The following ADCY1 variants were observed in gnomAD, a reference collection of about 807,000 sequenced individuals.
ADCY1 encodes adenylate cyclase type 1.
Under a neutral mutation model 105.4 loss-of-function variants are expected in ADCY1, and 28 were observed. The observed-to-expected ratio is 0.27, with a 90% CI of 0.20 to 0.36. The LOEUF is 0.36. Ranked by LOEUF, ADCY1 falls within the 10% of genes least tolerant of loss-of-function variation. The probability of loss-of-function intolerance (pLI) is 1.00; values close to 1 mark genes in which losing one functional copy is unlikely to be tolerated. For missense variants in ADCY1, 977 were observed against 1,434.2 expected, an observed-to-expected ratio of 0.68 and a Z score of 5.15; for synonymous variants, 655 against 623.8, an observed-to-expected ratio of 1.05 and a Z score of -0.75.
chr7:45,625,242 A>G (rs527839838), intron 4 of ADCY1, among the ~76,000 whole-genome samples: 23 of 152,270 alleles, frequency 1.5e-4, no homozygotes, highest in African/African-American at 5.3e-4. Flanking sequence ...ATGCTCTGTC[A>G]TCTCATGTTT....
intron 4 of ADCY1, among the ~76,000 whole-genome samples, chr7:45,625,172 C>T (rs1049414245): frequency 1.3e-5 from 2 of 152,190 alleles, no homozygotes; most frequent in Non-Finnish European, 1.5e-5. Context: ...TCCTTTCTAT[C>T]TGTGCCACTG....
intron 14 of ADCY1, among the ~76,000 whole-genome samples, chr7:45,697,386 C>CTT (rs34522967): frequency 0.01 from 1,094 of 108,046 alleles, 15 homozygotes; most frequent in East Asian, 0.026. Context: ...CTCTCTTTAC[C>CTT]TTTTTTTTTT....
Position 45,610,626 on chromosome 7 carries a change from T to C in ADCY1, c.908+129T>C, listed in dbSNP as rs56350129. On this transcript the variant is annotated intron_variant, in intron 3 of 19. Coordinates refer to ENST00000297323, the MANE Select transcript of ADCY1 (RefSeq NM_021116.4). ...TGGAGGTGGGGAAAGAATGGGGGTG[T>C]GGAGGTAATGGTGAAGGTGGGGAAG... 5.3e-5 allele frequency: 40 copies of C among 748,322 alleles called. No homozygotes were observed. In the Admixed American group the frequency reaches 5.9e-4, roughly 11 times the overall value. 46.4% of individuals were successfully genotyped at this position (748,322 alleles called of 1,614,324 possible). A position where few individuals can be genotyped will look rare whatever the true frequency, so the allele number is the denominator to read the frequency against.
intron 8 of ADCY1, among the ~76,000 whole-genome samples, chr7:45,674,829 A>G (rs930224916): frequency 1.3e-5 from 2 of 152,152 alleles, no homozygotes; most frequent in African/African-American, 2.4e-5. Flanking sequence ...TTGCTCTGAT[A>G]TCTACTTTTT....
At chr7:45,587,393 G>A (rs1473002380) in intron 1 of ADCY1, among the ~76,000 whole-genome samples, 3 of 152,164 alleles carry the variant, frequency 2.0e-5, no homozygotes, top group East Asian at 1.9e-4. Context: ...TCTGCCTCAC[G>A]GGGACTTTGA....
chr7:45,639,493 G>T (rs1235909126), intron 4 of ADCY1, among the ~76,000 whole-genome samples: 1 of 152,196 alleles, frequency 6.6e-6, no homozygotes, highest in East Asian at 1.9e-4. Context: ...GCATGGAGGG[G>T]TTCACTGTGT....
chr7:45,692,121 T>C (rs990965292), intron 14 of ADCY1, among the ~76,000 whole-genome samples: 1 of 152,188 alleles, frequency 6.6e-6, no homozygotes, highest in African/African-American at 2.4e-5. Context: ...AGCACACTTC[T>C]ATGGAAACCT....
rs1388054019 is a variant in ADCY1, at chr7:45,708,506, C to A, written c.2932+42C>A. The A allele has an allele frequency of 6.9e-7, 1 of 1,447,480 alleles. No homozygotes were observed. 89.7% of individuals were successfully genotyped at this position (1,447,480 alleles called of 1,614,324 possible). On this transcript the variant is annotated intron_variant, in intron 18 of 19. Transcript: ENST00000297323. This position sits in a 1 kb window ranked among gnomAD's most constrained non-coding sequence, Gnocchi z 4.7. ...CTATCCTGTCCATCCATGTGGAACA[C>A]CTTCCTACACCCACCTAGGGGTGGG...
rs1047865414 is a variant in ADCY1 at position 45,719,672 on chromosome 7, C to T, written c.*5677C>T. The T allele has an allele frequency of 6.6e-6, 1 of 152,210 alleles. No homozygotes were observed. The highest frequency in any genetic ancestry group is 1.9e-4 in the East Asian group (1 of 5,190). 9.4% of individuals were successfully genotyped at this position (152,210 alleles called of 1,614,324 possible). ...GAACACGTGTTTCTGTCGTGTGTGT[C>T]ATGCACATCTGTGTGTTGCATAGCA... is the stretch of plus-strand genomic sequence containing the variant. On this transcript the variant is annotated 3_prime_UTR_variant, in exon 20 of 20. Coordinates refer to ENST00000297323, the MANE Select transcript of ADCY1 (RefSeq NM_021116.4).
chr7:45,674,971 G>A (rs954237190), intron 8 of ADCY1, among the ~76,000 whole-genome samples: 2 of 152,056 alleles, frequency 1.3e-5, no homozygotes, highest in African/African-American at 4.8e-5. Context: ...CATATATTTG[G>A]ATGATATTTG....
At chr7:45,616,707 C>T (rs1793747812) in intron 3 of ADCY1, among the ~76,000 whole-genome samples, 1 of 152,190 alleles carries the variant, frequency 6.6e-6, no homozygotes, top group Admixed American at 6.5e-5. Context: ...CAGCTATGAT[C>T]ATACTCAATG....
At chr7:45,606,285 G>T (rs1381420061) in intron 2 of ADCY1, among the ~76,000 whole-genome samples, 1 of 151,894 alleles carries the variant, frequency 6.6e-6, no homozygotes, top group Admixed American at 6.6e-5. Context: ...TGGGGTGGGG[G>T]TGGAGGTCTG....
intron 2 of ADCY1, among the ~76,000 whole-genome samples, chr7:45,607,539 A>G (rs1305004949): frequency 6.6e-6 from 1 of 152,208 alleles, no homozygotes; most frequent in Non-Finnish European, 1.5e-5. Flanking sequence ...AATTGATCCC[A>G]TAACCCGGGT....
chr7:45,598,811 C>T (rs1024561590), intron 2 of ADCY1, among the ~76,000 whole-genome samples: 3 of 152,326 alleles, frequency 2.0e-5, no homozygotes, highest in Non-Finnish European at 4.4e-5. Context: ...ATAGAAAGCT[C>T]GCTCTCTGAG....
intron 8 of ADCY1, among the ~76,000 whole-genome samples, chr7:45,677,194 G>A (rs1219570718): frequency 6.6e-6 from 1 of 152,126 alleles, no homozygotes; most frequent in African/African-American, 2.4e-5. Flanking sequence ...ATAAAAACAA[G>A]TGTGTTCATT....
chr7:45,652,210 C>T (rs1794829335), intron 5 of ADCY1, among the ~76,000 whole-genome samples: 1 of 152,208 alleles, frequency 6.6e-6, no homozygotes, highest in African/African-American at 2.4e-5. Context: ...CCCCATGATC[C>T]AGTTACCTCC....
rs562725069 is a variant in ADCY1, at chr7:45,578,631, G to T, written c.639+3449G>T. Among the ~76,000 whole-genome samples the T allele has an allele frequency of 3.3e-5, 5 of 152,316 alleles. No individual in the cohort carries two copies. The South Asian group carries it at 1.0e-3, about 32-fold the overall frequency. On this transcript the variant is annotated intron_variant, in intron 1 of 19. Coordinates refer to ENST00000297323, the MANE Select transcript of ADCY1 (RefSeq NM_021116.4). Reference sequence around the variant, plus strand: ...GTGATGCCACTCACAGACTCAGAGAGCCTCAGAGGGAGCAGCTTGGAATCT... The same window carrying T: ...GTGATGCCACTCACAGACTCAGAGATCCTCAGAGGGAGCAGCTTGGAATCT...
At chr7:45,695,720 T>C (rs541030307) in intron 14 of ADCY1, among the ~76,000 whole-genome samples, 1 of 152,316 alleles carries the variant, frequency 6.6e-6, no homozygotes, top group African/African-American at 2.4e-5. Flanking sequence ...CTGCCCACAG[T>C]GTGGACTGTT....
At chr7:45,576,322 T>C (rs1311626602) in intron 1 of ADCY1, among the ~76,000 whole-genome samples, 1 of 151,652 alleles carries the variant, frequency 6.6e-6, no homozygotes, top group African/African-American at 2.4e-5. Context: ...ATCCTTAGAC[T>C]GTGATGCCAG....
Sources: allele counts gnomAD v4.1 joint callset (sites outside exome capture counted in the v4.1 genomes callset), GRCh38; gene constraint gnomAD v4.1.1; non-coding constraint Gnocchi (gnomAD v3.1); transcripts MANE v1.5; gene names NCBI Gene and HGNC (gene_info 2026-07-23, HGNC 2026-07-21).